The following MED15 variants were observed in gnomAD, a reference collection of about 807,000 sequenced individuals.
The protein encoded by MED15 is mediator complex subunit 15, also known as mediator of RNA polymerase II transcription subunit 15.
In MED15, 41 loss-of-function variants were observed where a neutral mutation model predicts 118.7. The ratio of observed to expected loss-of-function variants is 0.35; its 90% CI spans 0.27 to 0.45. The LOEUF (loss-of-function observed/expected upper bound fraction) is 0.45, where lower values mean the gene tolerates loss of function less well. MED15 is among the 20% of genes least tolerant of loss of function. The pLI, the probability that MED15 is intolerant of heterozygous loss-of-function variation, is 1.00. For synonymous variants in MED15, 436 were observed against 413.9 expected, an observed-to-expected ratio of 1.05 and a Z score of -0.65; for missense variants, 740 against 1,025.5, an observed-to-expected ratio of 0.72 and a Z score of 3.80.
intron 6 of MED15, among the ~76,000 whole-genome samples, chr22:20,564,992 G>T (rs1230809785): frequency 1.3e-5 from 2 of 152,356 alleles, no homozygotes; most frequent in East Asian, 3.9e-4. Flanking sequence ...GGACATGGTG[G>T]CGTACACCTA....
chr22:20,571,567 T>C (rs1414859650), intron 8 of MED15, among the ~76,000 whole-genome samples: 2 of 152,232 alleles, frequency 1.3e-5, no homozygotes, highest in Non-Finnish European at 2.9e-5. Context: ...GTAACCCGCA[T>C]TCTGCTGGTT....
intron 1 of MED15, among the ~76,000 whole-genome samples, chr22:20,512,231 C>T (rs957124558): frequency 2.0e-5 from 3 of 151,956 alleles, no homozygotes. Flanking sequence ...TCAGATGATC[C>T]TCCCTACTAG....
chr22:20,512,529 T>C (rs1317535999), intron 1 of MED15, among the ~76,000 whole-genome samples: 2 of 151,356 alleles, frequency 1.3e-5, no homozygotes, highest in African/African-American at 2.4e-5. Flanking sequence ...GTACCTGGTA[T>C]ACAAAACACT....
intron 1 of MED15, among the ~76,000 whole-genome samples, chr22:20,509,051 G>A (rs1412105419): frequency 6.6e-6 from 1 of 152,140 alleles, no homozygotes; most frequent in Non-Finnish European, 1.5e-5. Flanking sequence ...AGAAAGACAA[G>A]TAGGAGTGTG....
chr22:20,518,459 C>A (rs1416629715), intron 1 of MED15, among the ~76,000 whole-genome samples: 1 of 152,208 alleles, frequency 6.6e-6, no homozygotes, highest in Non-Finnish European at 1.5e-5. Flanking sequence ...GTCTCTGTGA[C>A]CCTCTTCCCT....
intron 2 of MED15, among the ~76,000 whole-genome samples, chr22:20,541,566 C>T (rs1317419116): frequency 6.6e-6 from 1 of 152,144 alleles, no homozygotes; most frequent in African/African-American, 2.4e-5. Context: ...TCACTACAGC[C>T]TTCGCCTCCC....
Position 20,583,331 on chromosome 22 carries a change from C to T in MED15, c.1674C>T (p.Asp558=), listed in dbSNP as rs141161323. The change falls in exon 13 of 18, where the codon GAC becomes GAT. Residue 558 remains aspartate (D), a splice_region_variant and synonymous_variant. Coordinates refer to ENST00000263205, the MANE Select transcript of MED15 (RefSeq NM_001003891.3). The part of the protein sequence containing the change: ...RMINKIDKNE[D]RKKDLSKMKS... ...AGTGTGTACCCTCTTCTGTCCCAGA[C>T]AGAAAAAAGGACCTGAGTAAGATGA... 9.9e-6 allele frequency: 16 copies of T among 1,613,146 alleles called. No individual in the cohort carries two copies. The highest frequency in any genetic ancestry group is 1.4e-5 in the Non-Finnish European group (16 of 1,180,026).
intron 8 of MED15, among the ~76,000 whole-genome samples, chr22:20,570,086 A>G (rs957500017): frequency 1.3e-5 from 2 of 152,156 alleles, no homozygotes; most frequent in African/African-American, 4.8e-5. Context: ...GTACAGTGGC[A>G]CGATCTTGGC....
intron 2 of MED15, chr22:20,551,093 G>A (rs1214179456): frequency 1.5e-5 from 8 of 529,262 alleles, no homozygotes; most frequent in East Asian, 5.2e-5. Flanking sequence ...TCAGGCCAGC[G>A]CCTCATCACC....
At chr22:20,521,732 T>G (rs150870063) in intron 1 of MED15, among the ~76,000 whole-genome samples, 43 of 132,670 alleles carry the variant, frequency 3.2e-4, no homozygotes, top group Admixed American at 5.2e-4. Flanking sequence ...ATTTATTTAT[T>G]TATGTATTTC....
chr22:20,569,170 A>C (rs1569234217), intron 8 of MED15, among the ~76,000 whole-genome samples: 3 of 152,006 alleles, frequency 2.0e-5, no homozygotes, highest in African/African-American at 7.3e-5. Context: ...CATGTGTGGA[A>C]TGTGTGTGTG....
chr22:20,579,330 C>T (rs751931353), intron 9 of MED15, among the ~76,000 whole-genome samples: 14 of 151,854 alleles, frequency 9.2e-5, no homozygotes, highest in East Asian at 1.9e-4. Flanking sequence ...GGCCTGGCTT[C>T]CTGCTCTCGT....
chr22:20,573,366 T>C (rs2056727302), intron 8 of MED15, among the ~76,000 whole-genome samples: 1 of 152,240 alleles, frequency 6.6e-6, no homozygotes, highest in Non-Finnish European at 1.5e-5. Flanking sequence ...TCACAAAGAA[T>C]TATCCAAGAC....
chr22:20,551,755 C>T, intron 3 of MED15: 2 of 523,124 alleles, frequency 3.8e-6, no homozygotes, highest in Non-Finnish European at 6.9e-6. Context: ...TTCACTTGCT[C>T]ACTTAATCTC....
intron 2 of MED15, among the ~76,000 whole-genome samples, chr22:20,537,799 T>G (rs1188640950): frequency 2.0e-5 from 3 of 152,164 alleles, no homozygotes; most frequent in Non-Finnish European, 4.4e-5. Context: ...TTACTAGAAA[T>G]GAACAAAACA....
chr22:20,534,340 AC>A (rs1159407123), intron 1 of MED15, among the ~76,000 whole-genome samples: 3 of 151,930 alleles, frequency 2.0e-5, no homozygotes, highest in Non-Finnish European at 4.4e-5. Context: ...ACAAAGCAAG[AC>A]CCTGTCTCTA....
chr22:20,551,672 G>A (rs2055780864), intron 3 of MED15, 185 bp downstream of exon 3: 1 of 636,914 alleles, frequency 1.6e-6, no homozygotes, highest in African/African-American at 1.8e-5. Flanking sequence ...TCCTCCCAGA[G>A]CCTTGGCCTC....
intron 2 of MED15, among the ~76,000 whole-genome samples, chr22:20,550,228 A>G (rs878951649): frequency 7.9e-5 from 12 of 152,108 alleles, no homozygotes; most frequent in Non-Finnish European, 1.5e-5. Flanking sequence ...CTTCACACGC[A>G]CATCAGCTTT....
intron 1 of MED15, chr22:20,519,045 G>C (rs993308771): frequency 5.8e-6 from 2 of 345,982 alleles, no homozygotes; most frequent in Non-Finnish European, 1.1e-5. Flanking sequence ...GTAGAGTAAG[G>C]GTTTTGCCAT....
Sources: allele counts gnomAD v4.1 joint callset (sites outside exome capture counted in the v4.1 genomes callset), GRCh38; gene constraint gnomAD v4.1.1; transcripts MANE v1.5; gene names NCBI Gene and HGNC (gene_info 2026-07-23, HGNC 2026-07-21).